Variants in CNTN4 observed in about 807,000 individuals in gnomAD.
CNTN4 encodes the protein contactin-4.
In CNTN4, 77 loss-of-function variants were observed where a neutral mutation model predicts 122.5. That is an observed-to-expected ratio of 0.63 (90% confidence interval 0.52 to 0.76). CNTN4 has a LOEUF of 0.76. Ranked by LOEUF, CNTN4 falls within the 30% of genes least tolerant of loss-of-function variation. The pLI is 0.00. For synonymous variants in CNTN4, 512 were observed against 447.0 expected (o/e 1.15, Z -1.83); for missense variants, 1,256 against 1,259.1 (o/e 1.00, Z 0.04).
At chr3:2,902,485 T>C (rs1397032474) in intron 11 of CNTN4, among the ~76,000 whole-genome samples, 1 of 152,188 alleles carries the variant, frequency 6.6e-6, no homozygotes, top group African/African-American at 2.4e-5. Context: ...AATGTGAGTG[T>C]TTTAAGCACT....
chr3:2,629,539 C>A, intron 4 of CNTN4: 1 of 453,424 alleles, frequency 2.2e-6, no homozygotes, highest in South Asian at 1.6e-5. Context: ...CACAGACTGA[C>A]TTCTGGTCCT....
intron 4 of CNTN4, among the ~76,000 whole-genome samples, chr3:2,637,687 T>C (rs541225205): frequency 1.6e-4 from 25 of 152,288 alleles, no homozygotes; most frequent in African/African-American, 3.8e-4. Flanking sequence ...TCAACTCCTA[T>C]AAATCCTATA....
At chr3:3,037,422 G>A (rs1037246546) in intron 18 of CNTN4, 94 bp downstream of exon 18, 171 of 1,530,994 alleles carry the variant, frequency 1.1e-4, no homozygotes, top group Admixed American at 2.2e-4. Flanking sequence ...GCGCTCATGC[G>A]GCTCTGTGTT....
intron 4 of CNTN4, among the ~76,000 whole-genome samples, chr3:2,669,605 T>C (rs2084382900): frequency 6.6e-6 from 1 of 152,244 alleles, no homozygotes; most frequent in South Asian, 2.1e-4. Context: ...AGTTCTGCTC[T>C]GATCTTAGTT....
intron 2 of CNTN4, among the ~76,000 whole-genome samples, chr3:2,121,685 C>T (rs1016478567): frequency 6.6e-6 from 1 of 152,064 alleles, no homozygotes; most frequent in Non-Finnish European, 1.5e-5. Context: ...AGTGTACAAC[C>T]TTCACTCTGC....
At chr3:2,357,470 T>A (rs1001843705) in intron 3 of CNTN4, among the ~76,000 whole-genome samples, 1 of 152,196 alleles carries the variant, frequency 6.6e-6, no homozygotes, top group African/African-American at 2.4e-5. Context: ...GTAGCCTTAA[T>A]TCACTATCGC....
At chr3:2,633,620 T>C (rs1347764125) in intron 4 of CNTN4, among the ~76,000 whole-genome samples, 6 of 152,214 alleles carry the variant, frequency 3.9e-5, no homozygotes, top group South Asian at 2.1e-4. Flanking sequence ...ATTTTATTAG[T>C]GATGATAATG....
chr3:2,795,290 C>G (rs1237093223), intron 6 of CNTN4, among the ~76,000 whole-genome samples: 1 of 152,166 alleles, frequency 6.6e-6, no homozygotes, highest in Non-Finnish European at 1.5e-5. Context: ...TCCTGAAAGG[C>G]TCTGACCTTT....
chr3:2,179,637 A>C (rs911221146), intron 2 of CNTN4, among the ~76,000 whole-genome samples: 1 of 151,996 alleles, frequency 6.6e-6, no homozygotes, highest in Admixed American at 6.6e-5. Flanking sequence ...CAAAACTTTT[A>C]ATATTCACTT....
chr3:2,384,157 C>T (rs919428181), intron 3 of CNTN4, among the ~76,000 whole-genome samples: 14 of 152,046 alleles, frequency 9.2e-5, no homozygotes, highest in Admixed American at 8.5e-4. Context: ...TAGCCGTGTG[C>T]ATCATAAGGA....
At chr3:2,470,728 T>C (rs1225639153) in intron 3 of CNTN4, among the ~76,000 whole-genome samples, 1 of 152,182 alleles carries the variant, frequency 6.6e-6, no homozygotes, top group Non-Finnish European at 1.5e-5. Context: ...CTTGAGATAG[T>C]GATAAAATTA....
chr3:2,573,588 C>G (rs2079524194), intron 4 of CNTN4, among the ~76,000 whole-genome samples: 1 of 152,068 alleles, frequency 6.6e-6, no homozygotes, highest in Non-Finnish European at 1.5e-5. Flanking sequence ...TTATTTAACC[C>G]AATGTGCTAA....
intron 4 of CNTN4, among the ~76,000 whole-genome samples, chr3:2,572,857 A>G (rs1471457535): frequency 1.3e-5 from 2 of 152,166 alleles, no homozygotes; most frequent in African/African-American, 2.4e-5. Flanking sequence ...ATTATTTGCA[A>G]TTGCTATAAA....
intron 2 of CNTN4, among the ~76,000 whole-genome samples, chr3:2,125,136 C>T (rs1427817049): frequency 2.0e-5 from 3 of 152,144 alleles, no homozygotes; most frequent in Non-Finnish European, 2.9e-5. Context: ...CCTCTACAGG[C>T]TCTGGAAGCC....
At chr3:2,372,413 T>C (rs894802297) in intron 3 of CNTN4, among the ~76,000 whole-genome samples, 13 of 152,226 alleles carry the variant, frequency 8.5e-5, no homozygotes, top group Admixed American at 8.5e-4. Flanking sequence ...GTATTCTTCC[T>C]TGTTTACCAT....
intron 13 of CNTN4, among the ~76,000 whole-genome samples, chr3:2,948,893 A>G (rs931494946): frequency 6.6e-6 from 1 of 152,138 alleles, no homozygotes; most frequent in Non-Finnish European, 1.5e-5. Context: ...CCATTTTTAA[A>G]AAGGTAAAAT....
rs74486649 is a variant in CNTN4, at chr3:2,806,226, C to T, written c.359-13260C>T. On this transcript the variant is annotated intron_variant, in intron 6 of 24. Coordinates refer to ENST00000418658, the MANE Select transcript of CNTN4 (RefSeq NM_175607.3). ...TCTCATAGCACTTTCTTATACTCTACAGCATTTACTCTAAACACTTTTACA... is the reference window on the plus strand; with the variant it reads ...TCTCATAGCACTTTCTTATACTCTATAGCATTTACTCTAAACACTTTTACA... 4.8e-3 allele frequency among the ~76,000 whole-genome samples: 734 copies of T among 152,290 alleles called. 6 individuals are homozygous for T. The highest frequency in any genetic ancestry group is 0.017 in the African/African-American group (701 of 41,566).
chr3:2,630,558 A>G (rs1269290587), intron 4 of CNTN4, among the ~76,000 whole-genome samples: 3 of 152,332 alleles, frequency 2.0e-5, no homozygotes, highest in Non-Finnish European at 4.4e-5. Context: ...TGACAAGCCC[A>G]ATACATTCCC....
At chr3:2,526,545 T>A (rs930444587) in intron 3 of CNTN4, among the ~76,000 whole-genome samples, 19 of 152,162 alleles carry the variant, frequency 1.2e-4, no homozygotes, top group African/African-American at 4.6e-4. Flanking sequence ...GATAAAATAA[T>A]CCAAGAATAA....
Sources: allele counts gnomAD v4.1 joint callset (sites outside exome capture counted in the v4.1 genomes callset), GRCh38; gene constraint gnomAD v4.1.1; transcripts MANE v1.5; gene names NCBI Gene and HGNC (gene_info 2026-07-23, HGNC 2026-07-21).